The following GSK3A variants were observed in gnomAD, a reference collection of about 807,000 sequenced individuals.
GSK3A encodes the protein glycogen synthase kinase 3 alpha.
A neutral mutation model predicts 56.6 loss-of-function variants in GSK3A; 14 were observed. The observed-to-expected ratio is 0.25, with a 90% confidence interval of 0.16 to 0.39. The LOEUF (loss-of-function observed/expected upper bound fraction) is 0.39. Among genes scored for constraint, GSK3A ranks in the 10% least tolerant of loss-of-function variants. The pLI is 1.00. For missense variants in GSK3A, 450 were observed against 656.0 expected, an observed-to-expected ratio of 0.69 and a Z score of 3.43; for synonymous variants, 301 against 285.0, an observed-to-expected ratio of 1.06 and a Z score of -0.56.
chr19:42,232,013 A>C (rs1216866852), intron 10 of GSK3A, 44 bp downstream of exon 10: 3 of 1,112,790 alleles, frequency 2.7e-6, no homozygotes. Context: ...CACCCTCTCC[A>C]GGCTGAGAGA....
Position 42,230,661 on chromosome 19 carries a change from G to A in GSK3A, c.*133C>T. 2 of 690,750 alleles carry A rather than the reference G, an allele frequency of 2.9e-6. 1 individual carries two copies. The highest frequency in any genetic ancestry group is 4.4e-5 in the Admixed American group (2 of 45,544). 42.8% of individuals were successfully genotyped at this position (690,750 alleles called of 1,614,324 possible). On this transcript the variant is annotated 3_prime_UTR_variant, in exon 11 of 11. Transcript: ENST00000222330. ...CTGGTGAGGGAGGGACTGGAGGTGG[G>A]GACAGGGACTCATTTACCTCTGCCC...
chr19:42,233,438 C>A, intron 6 of GSK3A, 55 bp from the exon 7 acceptor site: 2 of 1,163,636 alleles, frequency 1.7e-6, no homozygotes, highest in South Asian at 1.4e-5. Flanking sequence ...ACCAACCTCC[C>A]AATGCTTTTA....
Position 42,230,438 on chromosome 19 carries a change from G to A in GSK3A, c.*356C>T, listed in dbSNP as rs2036215170. 2 of 303,326 alleles carry A rather than the reference G, an allele frequency of 6.6e-6. No individual in the cohort carries two copies. Among genetic ancestry groups the A allele is most frequent in the South Asian group, 1.4e-4 (2 of 14,516 alleles). 18.8% of individuals were successfully genotyped at this position (303,326 alleles called of 1,614,324 possible). A position where few individuals can be genotyped will look rare whatever the true frequency, so the allele number is the denominator to read the frequency against. On this transcript the variant is annotated 3_prime_UTR_variant, in exon 11 of 11. Coordinates refer to ENST00000222330, the MANE Select transcript of GSK3A (RefSeq NM_019884.3). ...AATCTATTTACACCCGGGGGCCAGG[G>A]AAGGGAAGAGGAGACGGGCTGGGCT...
At chr19:42,240,467 T>C in intron 1 of GSK3A, 1 of 541,236 alleles carries the variant, frequency 1.8e-6, no homozygotes, top group Non-Finnish European at 3.3e-6. Flanking sequence ...AGACATCAGA[T>C]GTTGACTCCA....
Position 42,236,600 on chromosome 19 carries a change from G to T in GSK3A, c.666+6C>A, listed in dbSNP as rs754245783. The T allele has an allele frequency of 4.4e-6, 7 of 1,575,700 alleles. No individual in the cohort carries two copies. The highest frequency in any genetic ancestry group is 6.1e-6 in the Non-Finnish European group (7 of 1,144,926). ...CTGGGTCCCAGCAGCCCACCTGCTG[G>T]CCTACCTTGACATAGAGGATAGGGA... On this transcript the variant is annotated splice_donor_region_variant and intron_variant, in intron 4 of 10. Transcript: ENST00000222330.
At chr19:42,233,259 C>A (rs374812848) in intron 7 of GSK3A, 27 bp downstream of exon 7, 2 of 1,478,476 alleles carry the variant, frequency 1.4e-6, no homozygotes, top group South Asian at 2.3e-5. Context: ...AGCCCCACCC[C>A]CTGCCCAGCC....
chr19:42,237,854 G>A (rs2036267473), intron 2 of GSK3A, among the ~76,000 whole-genome samples: 1 of 151,460 alleles, frequency 6.6e-6, no homozygotes, highest in African/African-American at 2.4e-5. Flanking sequence ...ACTCCAGCCT[G>A]GGCGACAGAC....
chr19:42,236,460 G>A (rs78304176), intron 4 of GSK3A, 146 bp downstream of exon 4: 27 of 650,006 alleles, frequency 4.2e-5, no homozygotes, highest in African/African-American at 2.2e-4. Context: ...GCTCCATCTC[G>A]GGGGGTTATG....
At chr19:42,233,265 C>A in intron 7 of GSK3A, 21 bp downstream of exon 7, 1 of 1,474,748 alleles carries the variant, frequency 6.8e-7, no homozygotes, top group Non-Finnish European at 9.4e-7. Flanking sequence ...ACCCCCTGCC[C>A]AGCCCAGCCC....
At chr19:42,235,344 C>T (rs2036250218) in intron 4 of GSK3A, among the ~76,000 whole-genome samples, 1 of 152,118 alleles carries the variant, frequency 6.6e-6, no homozygotes, top group Non-Finnish European at 1.5e-5. Flanking sequence ...CACTCAGCTT[C>T]CCCCTCACCA....
chr19:42,233,990 T>C (rs2036241336), intron 6 of GSK3A, among the ~76,000 whole-genome samples: 1 of 152,076 alleles, frequency 6.6e-6, no homozygotes, highest in South Asian at 2.1e-4. Context: ...TGGGAGCAAG[T>C]TGCACCTTCA....
intron 10 of GSK3A, among the ~76,000 whole-genome samples, chr19:42,231,773 C>CAAA (rs771063456): frequency 4.7e-5 from 4 of 84,470 alleles, no homozygotes; most frequent in Non-Finnish European, 7.5e-5. Context: ...CTCTATTGCA[C>CAAA]AAAAAAAAAA....
chr19:42,241,028 C>A (rs1252767095), intron 1 of GSK3A: 2 of 151,994 alleles, frequency 1.3e-5, no homozygotes, highest in East Asian at 3.8e-4. Context: ...CACAGTTTCG[C>A]TCTCGTTGCC....
chr19:42,238,227 G>A (rs949141382), intron 2 of GSK3A, among the ~76,000 whole-genome samples: 10 of 151,818 alleles, frequency 6.6e-5, no homozygotes, highest in African/African-American at 9.7e-5. Context: ...GGTGGCGCAC[G>A]CCTGTGATTC....
intron 10 of GSK3A, among the ~76,000 whole-genome samples, chr19:42,231,618 A>C (rs1456720502): frequency 6.6e-6 from 1 of 152,106 alleles, no homozygotes; most frequent in Non-Finnish European, 1.5e-5. Context: ...TAGTAAAAAT[A>C]CAAAAATTAG....
rs142440427 is a variant in GSK3A at position 42,230,792 on chromosome 19, C to G, written c.*2G>C. On this transcript the variant is annotated 3_prime_UTR_variant, in exon 11 of 11. Transcript: ENST00000222330. ...GAAGTGGAAGGGTGCTTGGTGGGGC[C>G]CTCAGGAGGAGTTAGTGAGGGTAGG... 2.8e-5 allele frequency: 43 copies of G among 1,556,144 alleles called. No individual in the cohort carries two copies. The highest frequency in any genetic ancestry group is 3.7e-5 in the Non-Finnish European group (42 of 1,148,776).
At chr19:42,235,922 C>T (rs760751456) in intron 4 of GSK3A, among the ~76,000 whole-genome samples, 36 of 152,308 alleles carry the variant, frequency 2.4e-4, no homozygotes, top group South Asian at 2.1e-4. Context: ...GTAGAGCCCA[C>T]GTCGGCTCAC....
intron 9 of GSK3A, among the ~76,000 whole-genome samples, 157 bp downstream of exon 9, chr19:42,232,339 G>A (rs1157459508): frequency 6.6e-6 from 1 of 152,132 alleles, no homozygotes; most frequent in South Asian, 2.1e-4. Context: ...AAGCAGGTTC[G>A]ATTCCCCCTG....
At chr19:42,237,187 T>A (rs1258753992) in intron 2 of GSK3A, among the ~76,000 whole-genome samples, 2 of 148,126 alleles carry the variant, frequency 1.4e-5, no homozygotes, top group African/African-American at 4.9e-5. Context: ...TGAGACAGAG[T>A]CTTGCTCTGT....
Sources: allele counts gnomAD v4.1 joint callset (sites outside exome capture counted in the v4.1 genomes callset), GRCh38; gene constraint gnomAD v4.1.1; transcripts MANE v1.5; gene names NCBI Gene and HGNC (gene_info 2026-07-23, HGNC 2026-07-21).